Variants in CNTNAP2 observed in about 807,000 individuals in gnomAD.
CNTNAP2 encodes contactin associated protein 2.
CNTNAP2 carries 98 observed loss-of-function variants against 155.2 expected under a neutral mutation model. The ratio of observed to expected loss-of-function variants is 0.63; its 90% CI spans 0.54 to 0.75. The LOEUF (loss-of-function observed/expected upper bound fraction) is 0.75. Ranked by LOEUF, CNTNAP2 falls within the 30% of genes least tolerant of loss-of-function variation. CNTNAP2 has a pLI of 0.00. For missense variants in CNTNAP2, 1,727 were observed against 1,688.1 expected (o/e 1.02, Z -0.40); for synonymous variants, 651 against 631.2 (o/e 1.03, Z -0.47).
intron 13 of CNTNAP2, among the ~76,000 whole-genome samples, chr7:147,885,732 C>T (rs563877456): frequency 6.6e-5 from 10 of 152,172 alleles, no homozygotes; most frequent in Non-Finnish European, 1.2e-4. Flanking sequence ...GTCGGCCAAC[C>T]TTTACCCTTG....
intron 12 of CNTNAP2, among the ~76,000 whole-genome samples, chr7:147,598,154 C>A (rs1800862830): frequency 7.7e-6 from 1 of 129,624 alleles, no homozygotes; most frequent in African/African-American, 2.9e-5. Context: ...GTAATTACAG[C>A]CTTTCTTTCT....
intron 9 of CNTNAP2, among the ~76,000 whole-genome samples, chr7:147,348,143 A>T (rs2116873236): frequency 6.6e-6 from 1 of 152,080 alleles, no homozygotes; most frequent in African/African-American, 2.4e-5. Flanking sequence ...GGCCTCAAAC[A>T]CACAGATAAA....
At chr7:147,539,991 T>C (rs1383617663) in intron 11 of CNTNAP2, among the ~76,000 whole-genome samples, 2 of 152,222 alleles carry the variant, frequency 1.3e-5, no homozygotes, top group East Asian at 3.9e-4. Context: ...ATAATTGCTA[T>C]TCCTGATTCC....
chr7:147,791,744 G>A (rs1181835983), intron 13 of CNTNAP2, among the ~76,000 whole-genome samples: 1 of 151,978 alleles, frequency 6.6e-6, no homozygotes, highest in African/African-American at 2.4e-5. Flanking sequence ...GCCCATTGTG[G>A]GTTTCCTCTG....
rs539575407 is a variant in CNTNAP2, at chr7:146,801,564, T to C, written c.208+27183T>C. Among the ~76,000 whole-genome samples, 24 of 152,334 alleles carry C rather than the reference T, an allele frequency of 1.6e-4. No homozygotes were observed. The South Asian group carries it at 4.1e-3, about 26-fold the overall frequency. On this transcript the variant is annotated intron_variant, in intron 2 of 23. Coordinates refer to ENST00000361727, the MANE Select transcript of CNTNAP2 (RefSeq NM_014141.6). ...CGTAAGTGGAAATATATAGAGAATT[T>C]TCAGGGAAAAATATGCTTTTTAATT...
chr7:146,876,842 C>A (rs1318486907), intron 3 of CNTNAP2, among the ~76,000 whole-genome samples: 1 of 152,130 alleles, frequency 6.6e-6, no homozygotes, highest in African/African-American at 2.4e-5. Context: ...TCAGAAAAGA[C>A]TGGAGGAAAT....
At chr7:148,168,077 G>A (rs935309512) in intron 17 of CNTNAP2, among the ~76,000 whole-genome samples, 6 of 152,120 alleles carry the variant, frequency 3.9e-5, no homozygotes, top group Non-Finnish European at 8.8e-5. Context: ...TGCTGGAGAG[G>A]ATGTGGAGAA....
intron 14 of CNTNAP2, among the ~76,000 whole-genome samples, chr7:147,930,555 G>A (rs1800482045): frequency 6.6e-6 from 1 of 152,202 alleles, no homozygotes; most frequent in Non-Finnish European, 1.5e-5. Flanking sequence ...TATGCACCCA[G>A]CATCAGTACC....
intron 13 of CNTNAP2, among the ~76,000 whole-genome samples, chr7:147,807,322 C>CAAAAAAAAAA (rs768465391): frequency 1.5e-5 from 1 of 64,778 alleles, no homozygotes. Flanking sequence ...GTCCTTGACT[C>CAAAAAAAAAA]AAAAAAAAAA....
intron 8 of CNTNAP2, among the ~76,000 whole-genome samples, chr7:147,188,670 A>G (rs896041006): frequency 3.3e-5 from 5 of 152,214 alleles, no homozygotes; most frequent in Non-Finnish European, 7.3e-5. Context: ...GTGCAAAGAT[A>G]TTCTGAAGTG....
chr7:147,462,587 CA>C (rs1266307847), intron 10 of CNTNAP2, among the ~76,000 whole-genome samples: 3 of 152,156 alleles, frequency 2.0e-5, no homozygotes, highest in African/African-American at 7.2e-5. Flanking sequence ...CAGTGTTTAG[CA>C]ATTGACGTTG....
intron 1 of CNTNAP2, among the ~76,000 whole-genome samples, chr7:146,747,317 G>T (rs1463371737): frequency 6.6e-6 from 1 of 152,156 alleles, no homozygotes; most frequent in Non-Finnish European, 1.5e-5. Flanking sequence ...ACCTAAGAGA[G>T]ATTAAGGATA....
chr7:148,285,487 C>T (rs894933588), intron 21 of CNTNAP2, among the ~76,000 whole-genome samples: 1 of 152,242 alleles, frequency 6.6e-6, no homozygotes, highest in Non-Finnish European at 1.5e-5. Context: ...ATTTAACAGA[C>T]TGTCTTTCAG....
In CNTNAP2 at chr7:148,258,968, G is replaced by A. The variant is rs1168135233; in HGVS notation, c.3382-8065G>A. Among the ~76,000 whole-genome samples, 6 of 151,826 alleles carry A rather than the reference G, an allele frequency of 4.0e-5. No homozygotes were observed. The East Asian group carries it at 1.2e-3, about 30-fold the overall frequency. On this transcript the variant is annotated intron_variant, in intron 20 of 23. Transcript: ENST00000361727. The stretch of plus-strand genomic sequence containing the variant: ...TGAGGCAGGCAGATCACGAGGTCAG[G>A]AGTTCAAGACCAGCCTGGCCAACAT...
chr7:146,538,757 G>A (rs1159982419), intron 1 of CNTNAP2, among the ~76,000 whole-genome samples: 1 of 151,612 alleles, frequency 6.6e-6, no homozygotes, highest in Admixed American at 6.6e-5. Flanking sequence ...AGATGGGAAA[G>A]ACAACAGGTA....
At chr7:148,184,028 C>G (rs1795079399) in intron 18 of CNTNAP2, among the ~76,000 whole-genome samples, 1 of 152,032 alleles carries the variant, frequency 6.6e-6, no homozygotes, top group South Asian at 2.1e-4. Flanking sequence ...GCAGTTTTTT[C>G]CCTTACTCCC....
intron 1 of CNTNAP2, among the ~76,000 whole-genome samples, chr7:146,763,705 C>T (rs1802145035): frequency 6.6e-6 from 1 of 152,136 alleles, no homozygotes; most frequent in Admixed American, 6.5e-5. Context: ...CCATGATTGA[C>T]ATTTTGGTTT....
At chr7:146,504,777 G>T (rs558989858) in intron 1 of CNTNAP2, among the ~76,000 whole-genome samples, 1 of 152,162 alleles carries the variant, frequency 6.6e-6, no homozygotes, top group African/African-American at 2.4e-5. Context: ...CCCAGGTAGA[G>T]CGGCCAATCC....
chr7:147,544,622 C>T (rs1799699149), intron 11 of CNTNAP2, among the ~76,000 whole-genome samples: 1 of 151,718 alleles, frequency 6.6e-6, no homozygotes, highest in Non-Finnish European at 1.5e-5. Flanking sequence ...TGTCTTCTTT[C>T]TCTATTAATA....
Sources: gnomAD v4.1 joint callset for allele counts (sites outside exome capture counted in the v4.1 genomes callset) on GRCh38, gnomAD v4.1.1 for gene constraint, MANE v1.5 for transcripts, NCBI Gene and HGNC (gene_info 2026-07-23, HGNC 2026-07-21) for gene names.